Variants in DSE observed in about 807,000 individuals in gnomAD.
DSE encodes the protein dermatan-sulfate epimerase.
A neutral mutation model predicts 84.4 loss-of-function variants in DSE; 36 were observed. The observed-to-expected ratio is 0.43, with a 90% CI of 0.33 to 0.56. DSE has a LOEUF of 0.56. DSE is among the 20% of genes least tolerant of loss of function. The pLI is 0.06. For synonymous variants in DSE, 410 were observed against 430.1 expected (o/e 0.95, Z 0.58); for missense variants, 862 against 1,169.6 (o/e 0.74, Z 3.84).
chr6:116,440,532 A>C lies in DSE; in HGVS notation c.*3187A>C, dbSNP rs890858316. 1.3e-5 allele frequency: 2 copies of C among 152,236 alleles called. No homozygotes were observed. The highest frequency in any genetic ancestry group is 2.9e-5 in the Non-Finnish European group (2 of 68,042). 9.4% of individuals were successfully genotyped at this position (152,236 alleles called of 1,614,324 possible). On this transcript the variant is annotated 3_prime_UTR_variant, in exon 6 of 6. Transcript: ENST00000644252. ...ATCTGAAATTTCTCCAAGTGTTAAG[A>C]GAAAGCAAGCTATGAAATGCTATAT...
chr6:116,328,724 C>T (rs1776775065), intron 2 of DSE, among the ~76,000 whole-genome samples: 1 of 152,120 alleles, frequency 6.6e-6, no homozygotes, highest in Admixed American at 6.5e-5. Flanking sequence ...CCACTTTATT[C>T]TTCTTATAAT....
At chr6:116,266,560 G>A (rs1225448537) in intron 2 of DSE, among the ~76,000 whole-genome samples, 1 of 152,014 alleles carries the variant, frequency 6.6e-6, no homozygotes, top group Non-Finnish European at 1.5e-5. Flanking sequence ...TTATAAATGG[G>A]AAAATAATTA....
At chr6:116,275,012 AAC>A (rs1773061209) in intron 2 of DSE, among the ~76,000 whole-genome samples, 1 of 152,252 alleles carries the variant, frequency 6.6e-6, no homozygotes, top group Non-Finnish European at 1.5e-5. Flanking sequence ...AATATATTTT[AAC>A]ACAATGTCAA....
At chr6:116,307,076 A>G (rs1363635916) in intron 2 of DSE, among the ~76,000 whole-genome samples, 1 of 152,260 alleles carries the variant, frequency 6.6e-6, no homozygotes, top group African/African-American at 2.4e-5. Flanking sequence ...TATAGCAGTT[A>G]GAACTCTATC....
Position 116,371,030 on chromosome 6 carries a change from G to C in DSE, c.-145G>C. On this transcript the variant is annotated 5_prime_UTR_variant, in exon 1 of 6. Transcript: ENST00000644252. ...GAGGGCTCGGTTCGGAGGGGGCCGG[G>C]AGCCCGGGCGCCCTGGAGTGAGGAG... 1 of 985,746 alleles carries C rather than the reference G, an allele frequency of 1.0e-6. No homozygotes were observed. The allele number at this position is 985,746 out of a possible 1,614,324, so 61.1% of individuals were successfully genotyped here. A position where few individuals can be genotyped will look rare whatever the true frequency, so the allele number is the denominator to read the frequency against.
At chr6:116,326,635 G>A (rs904543394) in intron 2 of DSE, among the ~76,000 whole-genome samples, 30 of 152,132 alleles carry the variant, frequency 2.0e-4, no homozygotes, top group African/African-American at 2.4e-4. Flanking sequence ...TTGCTTGGCC[G>A]AGAAAACTGT....
chr6:116,282,137 C>CT (rs1773581417), intron 2 of DSE, among the ~76,000 whole-genome samples: 1 of 152,154 alleles, frequency 6.6e-6, no homozygotes, highest in African/African-American at 2.4e-5. Context: ...TCATTTCAGG[C>CT]TTTACTTCGT....
chr6:116,297,853 C>G (rs1229664910), intron 2 of DSE, among the ~76,000 whole-genome samples: 2 of 152,154 alleles, frequency 1.3e-5, no homozygotes, highest in Non-Finnish European at 2.9e-5. Flanking sequence ...GATCACTAGG[C>G]TCTTAATAAA....
At chr6:116,421,455 ATATATATATTTTTTTTT>A (rs1483951339) in intron 2 of DSE, among the ~76,000 whole-genome samples, 1 of 73,284 alleles carries the variant, frequency 1.4e-5, no homozygotes, top group African/African-American at 7.6e-5. Flanking sequence ...ATATATATAT[ATATATATATTTTTTTTT>A]TTTTTTTTTT....
At chr6:116,271,205 G>T (rs545253984) in intron 2 of DSE, among the ~76,000 whole-genome samples, 1 of 152,206 alleles carries the variant, frequency 6.6e-6, no homozygotes, top group African/African-American at 2.4e-5. Context: ...TAGGACAATG[G>T]TTCCCAAATG....
chr6:116,326,446 C>A (rs1776625267), intron 2 of DSE, among the ~76,000 whole-genome samples: 1 of 152,132 alleles, frequency 6.6e-6, no homozygotes, highest in Non-Finnish European at 1.5e-5. Flanking sequence ...TGTGCCAGTT[C>A]ACCTCCTTAG....
chr6:116,423,718 T>G (rs1410197483), intron 2 of DSE, among the ~76,000 whole-genome samples: 5 of 152,218 alleles, frequency 3.3e-5, no homozygotes, highest in Non-Finnish European at 7.3e-5. Flanking sequence ...TCCATTGGTT[T>G]TTATGACTGT....
At chr6:116,394,598 G>C (rs1271916525) in intron 1 of DSE, among the ~76,000 whole-genome samples, 1 of 152,060 alleles carries the variant, frequency 6.6e-6, no homozygotes, top group Non-Finnish European at 1.5e-5. Flanking sequence ...ACCACATCTG[G>C]CTAATTTTTT....
intron 2 of DSE, among the ~76,000 whole-genome samples, chr6:116,305,994 G>A (rs967764128): frequency 7.9e-5 from 12 of 152,188 alleles, no homozygotes; most frequent in Non-Finnish European, 1.5e-4. Context: ...GAGATAAAGG[G>A]ATTAATGTGT....
upstream of DSE, among the ~76,000 whole-genome samples, chr6:116,367,512 T>C (rs1307624507): frequency 6.6e-6 from 1 of 152,214 alleles, no homozygotes; most frequent in Non-Finnish European, 1.5e-5. Flanking sequence ...TGTTACTCTG[T>C]TATTTTAGGC....
chr6:116,401,609 A>G (rs1478606487), intron 2 of DSE, among the ~76,000 whole-genome samples: 1 of 152,222 alleles, frequency 6.6e-6, no homozygotes, highest in Non-Finnish European at 1.5e-5. Context: ...ATAACTTCAC[A>G]GAAATTTTAA....
At chr6:116,381,675 C>T (rs148728003) in intron 1 of DSE, among the ~76,000 whole-genome samples, 5 of 152,064 alleles carry the variant, frequency 3.3e-5, no homozygotes, top group Admixed American at 6.6e-5. Flanking sequence ...AAATATGTAG[C>T]GTAGTTCTTG....
At chr6:116,362,043 T>C (rs1778931536) in intron 2 of DSE, among the ~76,000 whole-genome samples, 1 of 152,234 alleles carries the variant, frequency 6.6e-6, no homozygotes, top group Non-Finnish European at 1.5e-5. Context: ...CTCAGAGATA[T>C]TCTGCACCAG....
chr6:116,399,964 A>G (rs1163458446), intron 2 of DSE: 3 of 344,548 alleles, frequency 8.7e-6, no homozygotes, highest in Non-Finnish European at 1.6e-5. Context: ...TTTCTTCCAT[A>G]TTCAGCATGT....
Sources: allele counts gnomAD v4.1 joint callset (sites outside exome capture counted in the v4.1 genomes callset), GRCh38; gene constraint gnomAD v4.1.1; transcripts MANE v1.5; gene names NCBI Gene and HGNC (gene_info 2026-07-23, HGNC 2026-07-21).